The following MYO3B variants were observed in gnomAD, a reference collection of about 807,000 sequenced individuals.
MYO3B encodes myosin-IIIb.
In MYO3B, 156 loss-of-function variants were observed where a neutral mutation model predicts 174.6. The ratio of observed to expected loss-of-function variants is 0.89; its 90% CI spans 0.78 to 1.02. The LOEUF (loss-of-function observed/expected upper bound fraction) is 1.02. Ranked by LOEUF, MYO3B falls within the 50% of genes least tolerant of loss-of-function variation. The pLI, the probability that MYO3B is intolerant of heterozygous loss-of-function variation, is 0.00. For missense variants in MYO3B, 1,632 were observed against 1,639.4 expected, an observed-to-expected ratio of 1.00 and a Z score of 0.08; for synonymous variants, 563 against 569.1, an observed-to-expected ratio of 0.99 and a Z score of 0.15.
intron 22 of MYO3B, among the ~76,000 whole-genome samples, chr2:170,417,037 C>T (rs1158664363): frequency 6.6e-6 from 1 of 151,988 alleles, no homozygotes. Flanking sequence ...CTGCGTTAGC[C>T]AGCATCTCAA....
intron 7 of MYO3B, among the ~76,000 whole-genome samples, chr2:170,251,313 A>C (rs2093250863): frequency 6.6e-6 from 1 of 152,284 alleles, no homozygotes; most frequent in Admixed American, 6.5e-5. Flanking sequence ...AGTTAATAAA[A>C]ACAAATAAGT....
At chr2:170,210,715 GACA>G (rs1357275373) in intron 3 of MYO3B, among the ~76,000 whole-genome samples, 1 of 152,148 alleles carries the variant, frequency 6.6e-6, no homozygotes. Context: ...GTGTATATTT[GACA>G]ACATCTGCAT....
intron 22 of MYO3B, among the ~76,000 whole-genome samples, chr2:170,430,518 C>T (rs2094700690): frequency 6.6e-6 from 1 of 151,868 alleles, no homozygotes; most frequent in Admixed American, 6.6e-5. Context: ...ATTACAGGTG[C>T]GTGCCACCAT....
chr2:170,533,457 T>C (rs145932758), intron 30 of MYO3B, among the ~76,000 whole-genome samples: 2,146 of 151,508 alleles, frequency 0.014, 19 homozygotes, highest in Middle Eastern at 0.037. Context: ...GAAAAGAACA[T>C]CCTCCAGTTA....
At position 170,600,768 on chromosome 2, in the gene MYO3B, T is replaced by A. The variant is rs1255086223; in HGVS notation, c.3734-50860T>A. On this transcript the variant is annotated intron_variant, in intron 32 of 34. Transcript: ENST00000408978. ...TAATGTGGGAACTGCAAAATATCAC[T>A]GCCATTACATGGTAATGGGAGTTAA... Among the ~76,000 whole-genome samples the A allele has an allele frequency of 2.0e-5, 3 of 152,210 alleles. No individual in the cohort carries two copies. In the South Asian group the frequency reaches 6.2e-4, roughly 31 times the overall value.
intron 25 of MYO3B, among the ~76,000 whole-genome samples, chr2:170,494,571 T>C (rs1686716556): frequency 6.6e-6 from 1 of 151,304 alleles, no homozygotes; most frequent in South Asian, 2.1e-4. Flanking sequence ...CCACTAAAAA[T>C]ACAAAGGTTA....
At chr2:170,293,103 T>A (rs956058723) in intron 7 of MYO3B, among the ~76,000 whole-genome samples, 3 of 152,116 alleles carry the variant, frequency 2.0e-5, no homozygotes, top group Non-Finnish European at 4.4e-5. Flanking sequence ...TTTTTTCACC[T>A]CTCTGTGGCC....
intron 32 of MYO3B, among the ~76,000 whole-genome samples, chr2:170,572,075 G>C (rs553576338): frequency 6.6e-6 from 1 of 152,264 alleles, no homozygotes; most frequent in Non-Finnish European, 1.5e-5. Context: ...CACTTTGGGA[G>C]GCTGAGGCAG....
At chr2:170,483,499 G>T (rs1685834463) in intron 25 of MYO3B, among the ~76,000 whole-genome samples, 1 of 132,088 alleles carries the variant, frequency 7.6e-6, no homozygotes, top group Non-Finnish European at 1.5e-5. Context: ...CCATTCTCCT[G>T]CCTCAGCCTC....
chr2:170,477,132 C>T (rs1406019672), intron 25 of MYO3B, among the ~76,000 whole-genome samples: 3 of 152,210 alleles, frequency 2.0e-5, no homozygotes, highest in Non-Finnish European at 4.4e-5. Context: ...CCCCACCATT[C>T]TCCCTCACAT....
At chr2:170,593,518 T>A (rs2106327738) in intron 32 of MYO3B, among the ~76,000 whole-genome samples, 1 of 152,312 alleles carries the variant, frequency 6.6e-6, no homozygotes. Flanking sequence ...CTTGTATACA[T>A]CAGCACAGAA....
At chr2:170,193,759 A>G (rs984275045) in intron 1 of MYO3B, among the ~76,000 whole-genome samples, 4 of 152,106 alleles carry the variant, frequency 2.6e-5, no homozygotes, top group African/African-American at 9.7e-5. Context: ...TTGCCTACTT[A>G]CTGAAATTAG....
At chr2:170,561,232 G>A (rs1691690552) in intron 32 of MYO3B, among the ~76,000 whole-genome samples, 1 of 152,182 alleles carries the variant, frequency 6.6e-6, no homozygotes, top group African/African-American at 2.4e-5. Flanking sequence ...AGTTAGAATG[G>A]ATGCCTCCCT....
chr2:170,491,514 C>T (rs1277956019), intron 25 of MYO3B, among the ~76,000 whole-genome samples: 1 of 152,180 alleles, frequency 6.6e-6, no homozygotes, highest in African/African-American at 2.4e-5. Context: ...CAAGCTCCGC[C>T]TCCCAGGTTC....
At chr2:170,438,784 G>A (rs1369913048) in intron 22 of MYO3B, among the ~76,000 whole-genome samples, 6 of 151,826 alleles carry the variant, frequency 4.0e-5, no homozygotes, top group African/African-American at 7.3e-5. Flanking sequence ...ACAGGCGCCT[G>A]CCACCATGTC....
intron 30 of MYO3B, among the ~76,000 whole-genome samples, chr2:170,532,445 C>G (rs1194305059): frequency 3.3e-5 from 5 of 152,120 alleles, no homozygotes; most frequent in Admixed American, 6.5e-5. Flanking sequence ...TGATTTTGAT[C>G]ATTGTATTCT....
intron 7 of MYO3B, among the ~76,000 whole-genome samples, chr2:170,311,858 G>A (rs192441624): frequency 2.6e-5 from 4 of 152,266 alleles, no homozygotes; most frequent in Middle Eastern, 3.4e-3. Context: ...TTGTTAAAGA[G>A]ACTATTCTTT....
intron 7 of MYO3B, among the ~76,000 whole-genome samples, chr2:170,277,158 G>C (rs2093469340): frequency 6.6e-6 from 1 of 152,214 alleles, no homozygotes; most frequent in South Asian, 2.1e-4. Flanking sequence ...TTGGTCAAAT[G>C]AGTGCCAGAA....
At chr2:170,492,445 T>C (rs1559053159) in intron 25 of MYO3B, among the ~76,000 whole-genome samples, 1 of 152,230 alleles carries the variant, frequency 6.6e-6, no homozygotes, top group Non-Finnish European at 1.5e-5. Context: ...GTCTGAAGCC[T>C]GATCAGTTAA....
Sources: allele counts gnomAD v4.1 joint callset (sites outside exome capture counted in the v4.1 genomes callset), GRCh38; gene constraint gnomAD v4.1.1; transcripts MANE v1.5; gene names NCBI Gene and HGNC (gene_info 2026-07-23, HGNC 2026-07-21).